GRIA2: variants seen among roughly 807,000 people sequenced by gnomAD.
GRIA2 encodes the protein glutamate ionotropic receptor AMPA type subunit 2.
GRIA2 carries 14 observed loss-of-function variants against 97.3 expected under a neutral mutation model. That is an observed-to-expected ratio of 0.14 (90% confidence interval 0.10 to 0.23). GRIA2 has a LOEUF of 0.23. Ranked by LOEUF, GRIA2 falls within the 10% of genes least tolerant of loss-of-function variation. The pLI is 1.00. For missense variants in GRIA2, 558 were observed against 1,069.8 expected (o/e 0.52, Z 6.67); for synonymous variants, 412 against 387.8 (o/e 1.06, Z -0.73).
intron 2 of GRIA2, among the ~76,000 whole-genome samples, chr4:157,296,401 A>G (rs1321423852): frequency 6.6e-6 from 1 of 152,142 alleles, no homozygotes; most frequent in Non-Finnish European, 1.5e-5. Flanking sequence ...TTCTGATTGT[A>G]TGTTCATTTG....
intron 12 of GRIA2, among the ~76,000 whole-genome samples, chr4:157,355,394 G>A (rs1226706897): frequency 2.0e-5 from 3 of 151,394 alleles, no homozygotes; most frequent in African/African-American, 7.3e-5. Context: ...CAGGCGTGGT[G>A]GCACGTGCCT....
chr4:157,232,368 T>C (rs1457013653), intron 2 of GRIA2, among the ~76,000 whole-genome samples: 1 of 152,190 alleles, frequency 6.6e-6, no homozygotes, highest in Non-Finnish European at 1.5e-5. Context: ...TCTTGAGAAG[T>C]ACATTTCAAA....
At chr4:157,336,973 G>A (rs1261287064) in intron 11 of GRIA2, among the ~76,000 whole-genome samples, 1 of 152,078 alleles carries the variant, frequency 6.6e-6, no homozygotes, top group South Asian at 2.1e-4. Context: ...TACACACCAT[G>A]AAGAGGCTAT....
intron 12 of GRIA2, among the ~76,000 whole-genome samples, chr4:157,346,928 T>C (rs2126962851): frequency 6.6e-6 from 1 of 152,254 alleles, no homozygotes; most frequent in African/African-American, 2.4e-5. Context: ...CCACAGAACA[T>C]CTGAGAAAGC....
intron 3 of GRIA2, among the ~76,000 whole-genome samples, chr4:157,304,584 G>C (rs1733756700): frequency 6.6e-6 from 1 of 152,126 alleles, no homozygotes; most frequent in South Asian, 2.1e-4. Context: ...CATCTTGTGT[G>C]TGTGTGTTCA....
chr4:157,255,264 T>C (rs1579307712), intron 2 of GRIA2, among the ~76,000 whole-genome samples: 1 of 151,194 alleles, frequency 6.6e-6, no homozygotes, highest in East Asian at 1.9e-4. Flanking sequence ...TATGGCTGAA[T>C]ACACACACAC....
At position 157,363,163 on chromosome 4, in the gene GRIA2, C is replaced by T. The variant is rs1419160278; in HGVS notation, c.*3+116C>T. 16 of 1,122,716 alleles carry T rather than the reference C, an allele frequency of 1.4e-5. No individual in the cohort carries two copies. The East Asian group carries it at 3.1e-4, about 22-fold the overall frequency. 69.5% of individuals were successfully genotyped at this position (1,122,716 alleles called of 1,614,324 possible). ...TGGATCATCCTGTATGTATTGTTGA[C>T]GTTCTTCCATGTTCCCAGTTGGTGA... On this transcript the variant is annotated intron_variant, in intron 15 of 15. Coordinates refer to ENST00000264426, the MANE Select transcript of GRIA2 (RefSeq NM_001083619.3).
chr4:157,304,726 A>G (rs548933377), intron 3 of GRIA2, among the ~76,000 whole-genome samples: 28 of 152,120 alleles, frequency 1.8e-4, no homozygotes, highest in Non-Finnish European at 3.2e-4. Flanking sequence ...TGTAGGTTCA[A>G]ATGAAAACCC....
chr4:157,336,183 C>T (rs958317977), intron 10 of GRIA2, among the ~76,000 whole-genome samples, 194 bp from the exon 11 acceptor site: 1 of 151,958 alleles, frequency 6.6e-6, no homozygotes, highest in East Asian at 1.9e-4. Context: ...GCTGGGTATA[C>T]TGTGTATTCA....
intron 12 of GRIA2, among the ~76,000 whole-genome samples, chr4:157,342,686 C>T (rs1250701199): frequency 6.6e-6 from 1 of 152,018 alleles, no homozygotes; most frequent in East Asian, 1.9e-4. Context: ...TATTTGTATG[C>T]AGTGTAGCTT....
At chr4:157,261,770 A>T (rs1026842320) in intron 2 of GRIA2, among the ~76,000 whole-genome samples, 1 of 151,720 alleles carries the variant, frequency 6.6e-6, no homozygotes, top group Non-Finnish European at 1.5e-5. Flanking sequence ...GGTGTTTAGT[A>T]TTTTTTTTGA....
chr4:157,347,770 G>C (rs1433256318), intron 12 of GRIA2, among the ~76,000 whole-genome samples: 1 of 152,040 alleles, frequency 6.6e-6, no homozygotes, highest in African/African-American at 2.4e-5. Context: ...AATATATTGG[G>C]ACCAAATCTC....
chr4:157,253,089 G>A (rs1342346725), intron 2 of GRIA2, among the ~76,000 whole-genome samples: 2 of 151,170 alleles, frequency 1.3e-5, no homozygotes, highest in African/African-American at 4.9e-5. Flanking sequence ...TTTTTTAAAT[G>A]AACTGATAAA....
chr4:157,339,600 A>T (rs976267043), intron 11 of GRIA2, among the ~76,000 whole-genome samples: 3 of 151,942 alleles, frequency 2.0e-5, no homozygotes, highest in Non-Finnish European at 4.4e-5. Context: ...GACAACTTAC[A>T]TCTAACTTTC....
At chr4:157,360,569 C>G (rs1736591166) in intron 13 of GRIA2, 1 of 400,534 alleles carries the variant, frequency 2.5e-6, no homozygotes, top group Non-Finnish European at 4.8e-6. Flanking sequence ...AAATATGCCA[C>G]TTTTTAATTT....
chr4:157,246,096 C>G (rs895504779), intron 2 of GRIA2, among the ~76,000 whole-genome samples: 12 of 152,050 alleles, frequency 7.9e-5, no homozygotes, highest in African/African-American at 2.9e-4. Context: ...GATAATGCAT[C>G]TCACTTCATA....
At chr4:157,227,681 C>G (rs946460255) in intron 2 of GRIA2, among the ~76,000 whole-genome samples, 3 of 152,022 alleles carry the variant, frequency 2.0e-5, no homozygotes, top group Non-Finnish European at 4.4e-5. Flanking sequence ...TATTTCCTTT[C>G]TTTTTACAGT....
chr4:157,322,285 A>C (rs1734613402), intron 6 of GRIA2, among the ~76,000 whole-genome samples: 3 of 150,836 alleles, frequency 2.0e-5, no homozygotes, highest in Non-Finnish European at 4.4e-5. Context: ...GTGTGTGTAT[A>C]AAATAACAGT....
intron 3 of GRIA2, among the ~76,000 whole-genome samples, chr4:157,311,886 G>C (rs952915096): frequency 4.6e-5 from 7 of 152,078 alleles, no homozygotes; most frequent in African/African-American, 1.7e-4. Context: ...TCCTCTAGTT[G>C]TTGTAACTCT....
Sources: allele counts gnomAD v4.1 joint callset (sites outside exome capture counted in the v4.1 genomes callset), GRCh38; gene constraint gnomAD v4.1.1; transcripts MANE v1.5; gene names NCBI Gene and HGNC (gene_info 2026-07-23, HGNC 2026-07-21).